URI1: variants seen among roughly 807,000 people sequenced by gnomAD.
The protein encoded by URI1 is unconventional prefoldin RPB5 interactor 1.
URI1 carries 39 observed loss-of-function variants against 60.2 expected under a neutral mutation model. The ratio of observed to expected loss-of-function variants is 0.65; its 90% confidence interval spans 0.50 to 0.85. The LOEUF is 0.85. URI1 is among the 40% of genes least tolerant of loss of function. The pLI is 0.00. For missense variants in URI1, 691 were observed against 665.9 expected, an observed-to-expected ratio of 1.04 and a Z score of -0.42; for synonymous variants, 251 against 236.8, an observed-to-expected ratio of 1.06 and a Z score of -0.55.
upstream of URI1, among the ~76,000 whole-genome samples, chr19:29,940,818 G>A (rs1348309241): frequency 6.6e-6 from 1 of 152,158 alleles, no homozygotes; most frequent in Non-Finnish European, 1.5e-5. Flanking sequence ...CTAAACGAGG[G>A]GAAGTGGGGT....
At chr19:29,966,113 G>A (rs1210117400) in intron 1 of URI1, among the ~76,000 whole-genome samples, 1 of 152,058 alleles carries the variant, frequency 6.6e-6, no homozygotes, top group African/African-American at 2.4e-5. Context: ...AATTGAAATG[G>A]TTTTCTTTAC....
intron 1 of URI1, among the ~76,000 whole-genome samples, chr19:29,955,154 C>T (rs963667057): frequency 9.3e-5 from 14 of 149,816 alleles, no homozygotes; most frequent in African/African-American, 3.2e-4. Context: ...TTAGTAGAGA[C>T]GGGGTTTCAC....
intron 1 of URI1, chr19:29,956,355 A>G (rs1370727818): frequency 7.9e-6 from 9 of 1,132,940 alleles, no homozygotes; most frequent in Admixed American, 2.1e-5. Context: ...AAATATCACA[A>G]GTATGTCTTA....
At chr19:29,953,728 C>T (rs1241953584) in intron 1 of URI1, among the ~76,000 whole-genome samples, 1 of 149,590 alleles carries the variant, frequency 6.7e-6, no homozygotes, top group African/African-American at 2.5e-5. Context: ...AATAGTTGAT[C>T]ATAAAATAAT....
intron 4 of URI1, among the ~76,000 whole-genome samples, chr19:30,000,349 T>C (rs1034732048): frequency 5.3e-5 from 8 of 151,978 alleles, no homozygotes; most frequent in Admixed American, 5.2e-4. Flanking sequence ...CTTACCCTGT[T>C]TTTGCCTTTT....
intron 2 of URI1, among the ~76,000 whole-genome samples, chr19:29,976,919 T>C (rs2055530142): frequency 6.6e-6 from 1 of 152,208 alleles, no homozygotes; most frequent in South Asian, 2.1e-4. Context: ...GACATAAAAG[T>C]TCTAAAACAC....
At chr19:29,934,326 T>G (rs2054949628) in intron 1 of URI1, among the ~76,000 whole-genome samples, 1 of 152,220 alleles carries the variant, frequency 6.6e-6, no homozygotes, top group Non-Finnish European at 1.5e-5. Context: ...TATGTTAGTT[T>G]GCTAGGGCCA....
chr19:29,951,924 C>G (rs538916754), intron 1 of URI1, among the ~76,000 whole-genome samples: 27 of 152,148 alleles, frequency 1.8e-4, no homozygotes, highest in Non-Finnish European at 3.7e-4. Context: ...CTGTAGTTTG[C>G]CTTAGTCCTG....
intron 1 of URI1, among the ~76,000 whole-genome samples, chr19:29,943,551 T>A (rs573052903): frequency 6.6e-6 from 1 of 152,330 alleles, no homozygotes; most frequent in East Asian, 1.9e-4. Context: ...GGAAGTTGCT[T>A]CAACACTATA....
intron 4 of URI1, among the ~76,000 whole-genome samples, chr19:29,998,718 TATAGACA>T (rs1185130449): frequency 6.6e-6 from 1 of 152,176 alleles, no homozygotes; most frequent in African/African-American, 2.4e-5. Flanking sequence ...GTGAGTCTCT[TATAGACA>T]GTATATAGTT....
intron 2 of URI1, among the ~76,000 whole-genome samples, chr19:29,978,436 C>G (rs1353812032): frequency 6.6e-6 from 1 of 152,082 alleles, no homozygotes; most frequent in Non-Finnish European, 1.5e-5. Context: ...GATTTTTTAT[C>G]TTTGTCTCAA....
In URI1 at chr19:29,942,564, T is replaced by A; in HGVS notation, c.17T>A (p.Val6Glu). 1 of 1,419,698 alleles carries A rather than the reference T, an allele frequency of 7.0e-7. No individual in the cohort carries two copies. Among genetic ancestry groups the A allele is most frequent in the South Asian group, 1.4e-5 (1 of 70,526 alleles). The allele number at this position is 1,419,698 out of a possible 1,614,324, so 87.9% of individuals were successfully genotyped here. A position where few individuals can be genotyped will look rare whatever the true frequency, so the allele number is the denominator to read the frequency against. The stretch of plus-strand genomic sequence containing the variant: ...GGGCCCGTCATGGAGGCGCCCACCG[T>A]GGAGACGCCCCCCGACCCCTCGCCC... MEAPT[V>E]ETPPDPSPPS... Residue 6 changes from valine to glutamate, a missense_variant, in exon 1 of 11, where the codon GTG becomes GAG. Val to Glu is a moderately radical substitution (Grantham distance 121). Coordinates refer to ENST00000392271, the MANE Select transcript of URI1 (RefSeq NM_003796.3).
chr19:29,961,790 A>AT (rs1353017970), intron 1 of URI1, among the ~76,000 whole-genome samples: 1 of 150,080 alleles, frequency 6.7e-6, no homozygotes, highest in African/African-American at 2.5e-5. Context: ...GGTTCAAGTG[A>AT]TTCTCCTGCC....
chr19:29,973,630 T>A (rs2055486469), intron 2 of URI1, among the ~76,000 whole-genome samples: 1 of 151,990 alleles, frequency 6.6e-6, no homozygotes. Context: ...TAAAAAAAAA[T>A]GTAGGACAGG....
intron 1 of URI1, among the ~76,000 whole-genome samples, chr19:29,950,942 A>C (rs1239134396): frequency 6.6e-6 from 1 of 152,232 alleles, no homozygotes. Context: ...TAATGAACAT[A>C]ATCATGAAGA....
At chr19:29,965,976 T>C (rs2055386838) in intron 1 of URI1, among the ~76,000 whole-genome samples, 2 of 152,238 alleles carry the variant, frequency 1.3e-5, no homozygotes, top group Admixed American at 1.3e-4. Context: ...AGGAGACTTT[T>C]GATTCCATCT....
At chr19:29,993,414 A>C (rs1237978570) in intron 4 of URI1, among the ~76,000 whole-genome samples, 1 of 152,238 alleles carries the variant, frequency 6.6e-6, no homozygotes, top group Admixed American at 6.5e-5. Context: ...CCCTGTAATG[A>C]AAAATATCCC....
chr19:29,927,547 C>A lies in URI1; in HGVS notation c.63+3793C>A, dbSNP rs1161353632. Among the ~76,000 whole-genome samples the A allele has an allele frequency of 4.2e-5, 6 of 141,834 alleles. No individual in the cohort carries two copies. The East Asian group carries it at 1.0e-3, about 25-fold the overall frequency. 93.0% of individuals were successfully genotyped at this position (141,834 alleles called of 152,430 possible). A position where few individuals can be genotyped will look rare whatever the true frequency, so the allele number is the denominator to read the frequency against. On this transcript the variant is annotated intron_variant, in intron 1 of 10. Coordinates refer to the URI1 transcript ENST00000360605. ...AAAGTACTGGGATTACAAGCATGAGCCACTGCACCCGGCTTTTTTTTTTTT... is the reference window on the plus strand; with the variant it reads ...AAAGTACTGGGATTACAAGCATGAGACACTGCACCCGGCTTTTTTTTTTTT...
chr19:29,988,235 ATACT>A (rs982919371), intron 4 of URI1, among the ~76,000 whole-genome samples: 1 of 152,212 alleles, frequency 6.6e-6, no homozygotes, highest in African/African-American at 2.4e-5. Context: ...CCTGAAGAAA[ATACT>A]TAGGTATATT....
Sources: gnomAD v4.1 joint callset for allele counts (sites outside exome capture counted in the v4.1 genomes callset) on GRCh38, gnomAD v4.1.1 for gene constraint, MANE v1.5 for transcripts, NCBI Gene and HGNC (gene_info 2026-07-23, HGNC 2026-07-21) for gene names.